The following FGF13 variants were observed in gnomAD, a reference collection of about 807,000 sequenced individuals.
FGF13 encodes fibroblast growth factor 13.
In FGF13, 2 loss-of-function variants were observed where a neutral mutation model predicts 19.5. The ratio of observed to expected loss-of-function variants is 0.10; its 90% CI spans 0.04 to 0.32. The LOEUF is 0.32. Among genes scored for constraint, FGF13 ranks in the 10% least tolerant of loss-of-function variants. FGF13 has a pLI of 1.00. For synonymous variants in FGF13, 72 were observed against 76.9 expected, an observed-to-expected ratio of 0.94 and a Z score of 0.33; for missense variants, 113 against 192.7, an observed-to-expected ratio of 0.59 and a Z score of 2.45.
intron 1 of FGF13, among the ~76,000 whole-genome samples, chrX:139,107,340 C>T (rs1177885774): frequency 8.9e-6 from 1 of 112,066 alleles, no homozygotes; most frequent in Admixed American, 9.5e-5. Flanking sequence ...GAATACACTA[C>T]ATGCAAGAAA....
chrX:138,972,133 T>G (rs1161333340), intron 1 of FGF13, among the ~76,000 whole-genome samples: 1 of 108,591 alleles, frequency 9.2e-6, no homozygotes, highest in African/African-American at 3.4e-5. Context: ...GGATTCCATA[T>G]CTTGTCTATT....
chrX:139,108,886 T>C (rs2083580768), intron 1 of FGF13, among the ~76,000 whole-genome samples: 1 of 97,318 alleles, frequency 1.0e-5, no homozygotes, highest in Admixed American at 1.1e-4. Context: ...CCCCTCCCTG[T>C]GTCCATGTGT....
chrX:139,157,731 C>A (rs145417178), intron 1 of FGF13, among the ~76,000 whole-genome samples: 1,834 of 112,954 alleles, frequency 0.016, 24 homozygotes, highest in Non-Finnish European at 0.025. Context: ...GGTGTTGTTG[C>A]CACAACAAAT....
In FGF13 at chrX:138,737,928, A is replaced by T. The variant is rs758506136; in HGVS notation, c.28+1314T>A. On this transcript the variant is annotated intron_variant, in intron 1 of 4. Transcript: ENST00000305414. ...AAATAATCAGAAAATTAAATGTTGAACTAATCTCACAAATTCTGTAACGAT... is the reference window on the plus strand; with the variant it reads ...AAATAATCAGAAAATTAAATGTTGATCTAATCTCACAAATTCTGTAACGAT... Among the ~76,000 whole-genome samples, 6 of 112,710 alleles carry T rather than the reference A, an allele frequency of 5.3e-5. No homozygotes were observed. In the South Asian group the frequency reaches 2.2e-3, roughly 41 times the overall value.
intron 3 of FGF13, among the ~76,000 whole-genome samples, chrX:138,694,166 G>C (rs905067204): frequency 4.5e-5 from 5 of 111,230 alleles, no homozygotes; most frequent in African/African-American, 1.6e-4. Flanking sequence ...AAAATCACAG[G>C]AAGTAAACAA....
intron 3 of FGF13, among the ~76,000 whole-genome samples, chrX:138,670,896 C>T: frequency 9.0e-6 from 1 of 110,658 alleles, no homozygotes; most frequent in East Asian, 2.8e-4. Context: ...AATTATGTTT[C>T]CTTAAAAATC....
At chrX:138,725,390 T>C (rs761582514) in intron 1 of FGF13, among the ~76,000 whole-genome samples, 1 of 111,466 alleles carries the variant, frequency 9.0e-6, no homozygotes, top group East Asian at 2.8e-4. Flanking sequence ...TCACTGCTAA[T>C]AGAAAAGCAA....
chrX:139,148,314 A>C (rs902803324), intron 1 of FGF13, among the ~76,000 whole-genome samples: 3 of 111,255 alleles, frequency 2.7e-5, no homozygotes, highest in African/African-American at 9.8e-5. Context: ...CAGAACACAC[A>C]CCTGCCTATT....
At chrX:138,814,833 T>A (rs1403811288) in intron 3 of FGF13, among the ~76,000 whole-genome samples, 1 of 111,098 alleles carries the variant, frequency 9.0e-6, no homozygotes, top group Admixed American at 9.6e-5. Context: ...AGTAATTCCA[T>A]TTCTGGATAC....
At chrX:139,072,416 C>A (rs2092379959) in intron 1 of FGF13, among the ~76,000 whole-genome samples, 1 of 111,375 alleles carries the variant, frequency 9.0e-6, no homozygotes, top group African/African-American at 3.3e-5. Flanking sequence ...GGACTTCTAG[C>A]CTCCAGAACT....
downstream of FGF13, among the ~76,000 whole-genome samples, chrX:138,856,962 T>C (rs1027664850): frequency 4.5e-5 from 5 of 111,789 alleles, no homozygotes; most frequent in African/African-American, 1.6e-4. Context: ...AAACTACTCA[T>C]AGTTTCCTTG....
At chrX:138,774,938 C>G (rs1487048608) in intron 3 of FGF13, among the ~76,000 whole-genome samples, 8 of 112,033 alleles carry the variant, frequency 7.1e-5, no homozygotes, top group Non-Finnish European at 1.5e-4. Context: ...TCTTCATGCT[C>G]TTTGTTTTTC....
chrX:138,620,506 T>C lies in FGF13; in HGVS notation c.*12344A>G, dbSNP rs995440299. ...ATAAAAATTATTAAAAAAAAAGAAA[T>C]CAAACCATAGTACTACAGGAAAATC... is the stretch of plus-strand genomic sequence containing the variant. On this transcript the variant is annotated 3_prime_UTR_variant, in exon 5 of 5. Coordinates refer to ENST00000315930, the MANE Select transcript of FGF13 (RefSeq NM_004114.5). The C allele has an allele frequency of 1.9e-5, 2 of 107,533 alleles. No individual in the cohort carries two copies. The highest frequency in any genetic ancestry group is 3.9e-5 in the Non-Finnish European group (2 of 51,722). The allele number at this position is 107,533 out of a possible 1,213,427, so 8.9% of individuals were successfully genotyped here. A position where few individuals can be genotyped will look rare whatever the true frequency, so the allele number is the denominator to read the frequency against.
chrX:138,989,424 C>T (rs916737821), intron 1 of FGF13, among the ~76,000 whole-genome samples: 3 of 111,587 alleles, frequency 2.7e-5, no homozygotes, highest in East Asian at 2.8e-4. Flanking sequence ...AGGGATCCAG[C>T]GCCTGGTAGA....
intron 1 of FGF13, among the ~76,000 whole-genome samples, chrX:139,159,655 CA>C (rs550001786): frequency 3.4e-3 from 177 of 51,628 alleles, no homozygotes; most frequent in Middle Eastern, 0.014. Flanking sequence ...AAAGAGAAAG[CA>C]AAAAAAAAAA....
At chrX:138,698,028 G>T (rs1361068476) in intron 3 of FGF13, among the ~76,000 whole-genome samples, 2 of 110,950 alleles carry the variant, frequency 1.8e-5, no homozygotes, top group Non-Finnish European at 1.9e-5. Flanking sequence ...CAACTTTCTT[G>T]CAGTCCCAGA....
At chrX:138,858,483 A>G (rs1309783194) in intron 2 of FGF13, among the ~76,000 whole-genome samples, 1 of 111,865 alleles carries the variant, frequency 8.9e-6, no homozygotes, top group African/African-American at 3.3e-5. Flanking sequence ...TCACTGCTAC[A>G]TTCTCTATTC....
chrX:138,846,194 T>TGC (rs1353894919), intron 3 of FGF13, among the ~76,000 whole-genome samples: 1 of 108,250 alleles, frequency 9.2e-6, no homozygotes, highest in African/African-American at 3.4e-5. Flanking sequence ...TTTGTGTGTG[T>TGC]GTGTGTGTGT....
At chrX:138,899,865 T>G (rs2091523096) in intron 1 of FGF13, among the ~76,000 whole-genome samples, 1 of 111,705 alleles carries the variant, frequency 9.0e-6, no homozygotes, top group African/African-American at 3.3e-5. Context: ...AGCAGACAAC[T>G]AGCTAGTCCA....
Sources: allele counts gnomAD v4.1 joint callset (sites outside exome capture counted in the v4.1 genomes callset), GRCh38; gene constraint gnomAD v4.1.1; transcripts MANE v1.5; gene names NCBI Gene and HGNC (gene_info 2026-07-23, HGNC 2026-07-21).